DLGAP1: variants seen among roughly 807,000 people sequenced by gnomAD.
DLGAP1 encodes the protein disks large-associated protein 1.
Under a neutral mutation model 90.8 loss-of-function variants are expected in DLGAP1, and 11 were observed. The ratio of observed to expected loss-of-function variants is 0.12; its 90% CI spans 0.08 to 0.20. The LOEUF (loss-of-function observed/expected upper bound fraction) is 0.20, where lower values mean the gene tolerates loss of function less well. Among genes scored for constraint, DLGAP1 ranks in the 10% least tolerant of loss-of-function variants. DLGAP1 has a pLI of 1.00. For synonymous variants in DLGAP1, 558 were observed against 540.7 expected (o/e 1.03, Z -0.44); for missense variants, 1,050 against 1,333.8 (o/e 0.79, Z 3.31).
chr18:4,441,591 T>G (rs1483768356), intron 1 of DLGAP1, among the ~76,000 whole-genome samples: 1 of 152,214 alleles, frequency 6.6e-6, no homozygotes, highest in East Asian at 1.9e-4. Flanking sequence ...AGGTTGTGAT[T>G]TTAGCAGAAG....
intron 1 of DLGAP1, among the ~76,000 whole-genome samples, chr18:4,359,687 A>G (rs1453505128): frequency 6.6e-6 from 1 of 152,176 alleles, no homozygotes; most frequent in African/African-American, 2.4e-5. Context: ...CGAGACTACT[A>G]TAGTTATTTA....
intron 1 of DLGAP1, among the ~76,000 whole-genome samples, chr18:4,304,336 C>A (rs2080198457): frequency 1.3e-5 from 2 of 152,136 alleles, no homozygotes; most frequent in African/African-American, 4.8e-5. Context: ...AAATGGTGAT[C>A]CCAGTGCTTA....
intron 3 of DLGAP1, among the ~76,000 whole-genome samples, chr18:3,907,655 T>C (rs1010696252): frequency 3.9e-4 from 59 of 152,138 alleles, no homozygotes; most frequent in Non-Finnish European, 1.6e-4. Context: ...GGAAGAGGCA[T>C]GTGGGTGGGC....
intron 1 of DLGAP1, among the ~76,000 whole-genome samples, chr18:4,232,548 ATGT>A (rs1297005786): frequency 1.3e-5 from 2 of 152,190 alleles, no homozygotes; most frequent in South Asian, 2.1e-4. Flanking sequence ...TTATAAGACA[ATGT>A]TGTTGTAATG....
At chr18:3,671,686 C>T (rs1039006029) in intron 7 of DLGAP1, among the ~76,000 whole-genome samples, 2 of 152,320 alleles carry the variant, frequency 1.3e-5, no homozygotes, top group South Asian at 2.1e-4. Context: ...TATATTCTCC[C>T]ACACATACTC....
At chr18:4,048,562 G>T (rs1213449790) in intron 2 of DLGAP1, among the ~76,000 whole-genome samples, 1 of 152,164 alleles carries the variant, frequency 6.6e-6, no homozygotes, top group Non-Finnish European at 1.5e-5. Context: ...AGGGTTTTTG[G>T]TAATTTTTTT....
chr18:4,224,401 G>A (rs2078141843), intron 1 of DLGAP1, among the ~76,000 whole-genome samples: 1 of 152,172 alleles, frequency 6.6e-6, no homozygotes, highest in Non-Finnish European at 1.5e-5. Context: ...GGATCTTGGG[G>A]TCCGTGATAC....
intron 1 of DLGAP1, among the ~76,000 whole-genome samples, chr18:4,338,145 T>C (rs579525): frequency 1 from 152,279 of 152,304 alleles, 76,127 homozygotes; most frequent in Middle Eastern, 1. Context: ...TTTGTGAAAC[T>C]GTACATCTAT....
At chr18:4,379,775 C>A (rs564251937) in intron 1 of DLGAP1, among the ~76,000 whole-genome samples, 28 of 152,094 alleles carry the variant, frequency 1.8e-4, no homozygotes, top group South Asian at 6.2e-4. Context: ...GCCCATGTTC[C>A]AAAAATATAA....
intron 1 of DLGAP1, among the ~76,000 whole-genome samples, chr18:4,219,558 A>G (rs1459426529): frequency 1.3e-5 from 2 of 152,038 alleles, no homozygotes; most frequent in Non-Finnish European, 2.9e-5. Flanking sequence ...GCCCAGACCA[A>G]TGTTACGGAG....
intron 3 of DLGAP1, among the ~76,000 whole-genome samples, chr18:3,950,336 C>T (rs1402502378): frequency 1.3e-5 from 2 of 152,190 alleles, no homozygotes; most frequent in African/African-American, 4.8e-5. Context: ...ACCTCTCATC[C>T]TTCAAATCTT....
chr18:3,761,011 G>A (rs2063940281), intron 5 of DLGAP1, among the ~76,000 whole-genome samples: 1 of 152,164 alleles, frequency 6.6e-6, no homozygotes, highest in African/African-American at 2.4e-5. Context: ...ATGGAATTGT[G>A]TGAATTTACT....
At chr18:3,870,124 A>G (rs1180051491) in intron 4 of DLGAP1, among the ~76,000 whole-genome samples, 4 of 152,202 alleles carry the variant, frequency 2.6e-5, no homozygotes, top group Non-Finnish European at 5.9e-5. Context: ...GGTTACTTAA[A>G]ATGCAGTTCT....
At chr18:4,427,907 T>C (rs901161988) in intron 1 of DLGAP1, among the ~76,000 whole-genome samples, 3 of 152,338 alleles carry the variant, frequency 2.0e-5, no homozygotes, top group Non-Finnish European at 2.9e-5. Context: ...CACTGTGTTA[T>C]TGCAAAATCA....
intron 1 of DLGAP1, among the ~76,000 whole-genome samples, chr18:4,325,071 T>C (rs1315191107): frequency 6.6e-6 from 1 of 152,164 alleles, no homozygotes; most frequent in Non-Finnish European, 1.5e-5. Context: ...AAAGTCAAAC[T>C]ATCCCTGTTT....
intron 2 of DLGAP1, among the ~76,000 whole-genome samples, chr18:4,026,915 T>C (rs1364932436): frequency 6.6e-6 from 1 of 152,176 alleles, no homozygotes; most frequent in Non-Finnish European, 1.5e-5. Context: ...ATAGGAATTG[T>C]ACAGGTGGTG....
intron 2 of DLGAP1, among the ~76,000 whole-genome samples, chr18:4,006,429 C>T (rs76094963): frequency 0.028 from 4,217 of 152,122 alleles, 208 homozygotes; most frequent in African/African-American, 0.097. Flanking sequence ...TTTCCTTGTC[C>T]CCAAGAAAAC....
chr18:3,949,564 C>T (rs1029585195), intron 3 of DLGAP1, among the ~76,000 whole-genome samples: 1 of 152,210 alleles, frequency 6.6e-6, no homozygotes, highest in Non-Finnish European at 1.5e-5. Context: ...GCCTTCCTCA[C>T]AGGACCCTGG....
At chr18:4,364,921 G>A (rs932225021) in intron 1 of DLGAP1, among the ~76,000 whole-genome samples, 3 of 152,104 alleles carry the variant, frequency 2.0e-5, no homozygotes, top group African/African-American at 7.2e-5. Flanking sequence ...TTACCCAAAA[G>A]TCATACAGGA....
Sources: allele counts gnomAD v4.1 joint callset (sites outside exome capture counted in the v4.1 genomes callset), GRCh38; gene constraint gnomAD v4.1.1; transcripts MANE v1.5; gene names NCBI Gene and HGNC (gene_info 2026-07-23, HGNC 2026-07-21).